The following CDC42 variants were observed in gnomAD, a reference collection of about 807,000 sequenced individuals.
The protein encoded by CDC42 is cell division cycle 42.
A neutral mutation model predicts 20.8 loss-of-function variants in CDC42; 1 was observed. That is an observed-to-expected ratio of 0.05 (90% confidence interval 0.02 to 0.23). The LOEUF (loss-of-function observed/expected upper bound fraction) is 0.23, where lower values mean the gene tolerates loss of function less well. CDC42 is among the 10% of genes least tolerant of loss of function. The probability of loss-of-function intolerance (pLI) is 1.00; values close to 1 mark genes in which losing one functional copy is unlikely to be tolerated. For synonymous variants in CDC42, 72 were observed against 84.8 expected (o/e 0.85, Z 0.83); for missense variants, 49 against 227.9 (o/e 0.21, Z 5.05).
At position 22,091,791 on chromosome 1, in the gene CDC42, GTGTTTTTT is replaced by G. The variant is rs1207749686; in HGVS notation, c.*276_*283del. 141 of 77,902 alleles carry G rather than the reference GTGTTTTTT, an allele frequency of 1.8e-3. No homozygotes were observed. Among genetic ancestry groups the G allele is most frequent in the African/African-American group, 6.9e-3 (129 of 18,622 alleles). The allele number at this position is 77,902 out of a possible 1,614,324, so 4.8% of individuals were successfully genotyped here. ...TCAAAAAAAAAATTTTTGTGTGTGT[GTGTTTTTT>G]TTTTTTTTTTTTTTGTTGTTTAAAA... is the stretch of plus-strand genomic sequence containing the variant. On this transcript the variant is annotated 3_prime_UTR_variant, in exon 6 of 6. Transcript: ENST00000656825.
Position 22,094,498 on chromosome 1 carries a change from C to T in CDC42, c.*2981C>T, listed in dbSNP as rs1235557397. On this transcript the variant is annotated 3_prime_UTR_variant, in exon 6 of 6. Coordinates refer to ENST00000656825, the MANE Select transcript of CDC42 (RefSeq NM_001791.4). The stretch of plus-strand genomic sequence containing the variant: ...ATTTTTAGTAGAGACGGGGTTTCAC[C>T]GTGTTAGCCAGAATGGTCTCGATCT... 1.4e-5 allele frequency among the ~76,000 whole-genome samples: 2 copies of T among 146,662 alleles called. No individual in the cohort carries two copies. Among genetic ancestry groups the T allele is most frequent in the South Asian group, 2.1e-4 (1 of 4,662 alleles).
intron 3 of CDC42, among the ~76,000 whole-genome samples, chr1:22,083,056 A>T (rs1486677593): frequency 6.6e-6 from 1 of 151,162 alleles, no homozygotes; most frequent in Admixed American, 6.6e-5. Flanking sequence ...ATTTTTTTGT[A>T]TTTTAGTAGA....
intron 1 of CDC42, among the ~76,000 whole-genome samples, chr1:22,075,285 A>C (rs774237899): frequency 1.1e-4 from 17 of 152,210 alleles, no homozygotes; most frequent in Non-Finnish European, 1.6e-4. Context: ...TCTTAATTAG[A>C]ACTTGACTCT....
At chr1:22,058,065 A>G (rs548660958) in intron 1 of CDC42, among the ~76,000 whole-genome samples, 28 of 152,262 alleles carry the variant, frequency 1.8e-4, no homozygotes, top group African/African-American at 6.0e-4. Flanking sequence ...TACCGTTGTC[A>G]TAGAAGCAAG....
At chr1:22,068,885 G>C (rs1645451902) in intron 1 of CDC42, 1 of 152,176 alleles carries the variant, frequency 6.6e-6, no homozygotes, top group Non-Finnish European at 1.5e-5. Flanking sequence ...TAAGAGACTA[G>C]AATGAGAAAG....
In CDC42 at chr1:22,099,579, C is replaced by A. The variant is rs562675839; in HGVS notation, c.*8062C>A. 6.6e-6 allele frequency among the ~76,000 whole-genome samples: 1 copy of A among 152,258 alleles called. No homozygotes were observed. The highest frequency in any genetic ancestry group is 2.4e-5 in the African/African-American group (1 of 41,526). Reference sequence around the variant, plus strand: ...ATCGTAGTTGAAGCATCATATAGTGCACAGGGCAAGCAAAGCAGCATAAAA... The same window carrying A: ...ATCGTAGTTGAAGCATCATATAGTGAACAGGGCAAGCAAAGCAGCATAAAA... On this transcript the variant is annotated 3_prime_UTR_variant, in exon 6 of 6. Transcript: ENST00000656825.
At position 22,091,587 on chromosome 1, in the gene CDC42, T is replaced by C. The variant is rs1645715655; in HGVS notation, c.*70T>C. The C allele has an allele frequency of 8.9e-7, 1 of 1,121,612 alleles. No individual in the cohort carries two copies. The highest frequency in any genetic ancestry group is 1.3e-6 in the Non-Finnish European group (1 of 758,344). The allele number at this position is 1,121,612 out of a possible 1,614,324, so 69.5% of individuals were successfully genotyped here. A position where few individuals can be genotyped will look rare whatever the true frequency, so the allele number is the denominator to read the frequency against. On this transcript the variant is annotated 3_prime_UTR_variant, in exon 6 of 6. Transcript: ENST00000656825. Reference sequence around the variant, plus strand: ...ACTAAAAGCAATGTTTAAATCAAACTAAAGATTAAAAATTAAAATTCGTTT... The same window carrying C: ...ACTAAAAGCAATGTTTAAATCAAACCAAAGATTAAAAATTAAAATTCGTTT...
chr1:22,060,219 T>G (rs1645347733), intron 1 of CDC42, among the ~76,000 whole-genome samples: 1 of 152,020 alleles, frequency 6.6e-6, no homozygotes, highest in African/African-American at 2.4e-5. Flanking sequence ...GCACCTGTAA[T>G]CCCAGCTACT....
At chr1:22,085,328 G>A (rs1281990199) in intron 3 of CDC42, among the ~76,000 whole-genome samples, 1 of 151,500 alleles carries the variant, frequency 6.6e-6, no homozygotes, top group Non-Finnish European at 1.5e-5. Flanking sequence ...ATCTCCCTAT[G>A]CCAATACCGC....
Position 22,081,484 on chromosome 1 carries a change from G to C in CDC42, c.106-238G>C, listed in dbSNP as rs777958063. On this transcript the variant is annotated intron_variant, in intron 2 of 5. Coordinates refer to ENST00000656825, the MANE Select transcript of CDC42 (RefSeq NM_001791.4). ...CTGTGACACCTCTAAACCTTCTCTGGCTCTTTATCCAGGCTGCTGGGGTAG... is the reference window on the plus strand; with the variant it reads ...CTGTGACACCTCTAAACCTTCTCTGCCTCTTTATCCAGGCTGCTGGGGTAG... Among the ~76,000 whole-genome samples, 4 of 152,162 alleles carry C rather than the reference G, an allele frequency of 2.6e-5. No individual in the cohort carries two copies. In the East Asian group the frequency reaches 5.8e-4, roughly 22 times the overall value.
chr1:22,065,486 C>T (rs1332032348), intron 1 of CDC42, among the ~76,000 whole-genome samples: 2 of 152,166 alleles, frequency 1.3e-5, no homozygotes, highest in Non-Finnish European at 2.9e-5. Flanking sequence ...GATGCTTTTA[C>T]TTAACAACTG....
chr1:22,064,036 G>GTA (rs1645393936), intron 1 of CDC42: 1 of 151,346 alleles, frequency 6.6e-6, no homozygotes, highest in African/African-American at 2.4e-5. Flanking sequence ...GTCATCTTTA[G>GTA]TATGTATAAC....
chr1:22,076,298 A>C (rs1438870055), intron 1 of CDC42, among the ~76,000 whole-genome samples: 1 of 152,224 alleles, frequency 6.6e-6, no homozygotes, highest in East Asian at 1.9e-4. Flanking sequence ...TGTCTCTATT[A>C]AATACAAACA....
At chr1:22,090,585 G>A in intron 5 of CDC42, 2 of 985,920 alleles carry the variant, frequency 2.0e-6, no homozygotes, top group Non-Finnish European at 2.4e-6. Flanking sequence ...TCAGTCTGGG[G>A]TGGGGAAGAT....
chr1:22,068,262 A>G (rs965827220), intron 1 of CDC42: 1 of 153,122 alleles, frequency 6.5e-6, no homozygotes, highest in Non-Finnish European at 1.5e-5. Context: ...CTATAGAGGC[A>G]CCATCAGAAC....
At chr1:22,081,085 C>G (rs1488684908) in intron 2 of CDC42, among the ~76,000 whole-genome samples, 1 of 152,172 alleles carries the variant, frequency 6.6e-6, no homozygotes, top group African/African-American at 2.4e-5. Flanking sequence ...GGGAGAATCG[C>G]TTGATCCCAG....
At chr1:22,083,467 G>A (rs1172246557) in intron 3 of CDC42, among the ~76,000 whole-genome samples, 4 of 151,906 alleles carry the variant, frequency 2.6e-5, no homozygotes, top group Non-Finnish European at 4.4e-5. Flanking sequence ...GCCCAGTGTA[G>A]TGGTGTATGC....
chr1:22,098,179 T>C lies in CDC42; in HGVS notation c.*6662T>C, dbSNP rs777286432. 2.0e-5 allele frequency among the ~76,000 whole-genome samples: 3 copies of C among 152,204 alleles called. No individual in the cohort carries two copies. The highest frequency in any genetic ancestry group is 4.4e-5 in the Non-Finnish European group (3 of 68,030). On this transcript the variant is annotated 3_prime_UTR_variant, in exon 6 of 6. Coordinates refer to ENST00000656825, the MANE Select transcript of CDC42 (RefSeq NM_001791.4). ...CCTACATTTTGAACAAGCATCTTTT[T>C]ATTTTGATGAAGTTTGCATTATTAC...
chr1:22,072,212 C>T (rs1645500410), intron 1 of CDC42, among the ~76,000 whole-genome samples: 1 of 150,732 alleles, frequency 6.6e-6, no homozygotes, highest in African/African-American at 2.4e-5. Flanking sequence ...ATTCTCCTGC[C>T]TCAGCCTCCC....
Sources: allele counts gnomAD v4.1 joint callset (sites outside exome capture counted in the v4.1 genomes callset), GRCh38; gene constraint gnomAD v4.1.1; transcripts MANE v1.5; gene names NCBI Gene and HGNC (gene_info 2026-07-23, HGNC 2026-07-21).